The following C2CD5 variants were observed in gnomAD, a reference collection of about 807,000 sequenced individuals.
C2CD5 encodes the protein C2 calcium dependent domain containing 5.
C2CD5 carries 109 observed loss-of-function variants against 130.3 expected under a neutral mutation model. The ratio of observed to expected loss-of-function variants is 0.84; its 90% CI spans 0.72 to 0.98. The LOEUF is 0.98. C2CD5 is among the 50% of genes least tolerant of loss of function. The probability of loss-of-function intolerance (pLI) is 0.00; values close to 1 mark genes in which losing one functional copy is unlikely to be tolerated. For synonymous variants in C2CD5, 454 were observed against 429.2 expected (o/e 1.06, Z -0.71); for missense variants, 996 against 1,261.8 (o/e 0.79, Z 3.19).
chr12:22,521,950 A>G (rs1950306941), intron 7 of C2CD5, among the ~76,000 whole-genome samples: 1 of 152,192 alleles, frequency 6.6e-6, no homozygotes, highest in South Asian at 2.1e-4. Flanking sequence ...GAAACATTTT[A>G]GGTTTCCTGA....
intron 10 of C2CD5, among the ~76,000 whole-genome samples, chr12:22,499,478 TG>T (rs1236264052): frequency 2.0e-5 from 3 of 152,194 alleles, no homozygotes; most frequent in Non-Finnish European, 4.4e-5. Context: ...GAGGATTAAA[TG>T]GTCTACTATT....
At chr12:22,472,098 T>C in intron 18 of C2CD5, 33 bp from the exon 19 acceptor site, 1 of 1,235,626 alleles carries the variant, frequency 8.1e-7, no homozygotes. Context: ...TGTCATTTTA[T>C]TATTTTTAAC....
At chr12:22,541,543 A>G (rs570933541) in intron 2 of C2CD5, among the ~76,000 whole-genome samples, 1 of 152,156 alleles carries the variant, frequency 6.6e-6, no homozygotes, top group East Asian at 1.9e-4. Context: ...TGCCAGCCAC[A>G]CGCATTTTCC....
At chr12:22,496,301 TAC>T in intron 10 of C2CD5, among the ~76,000 whole-genome samples, 1 of 152,160 alleles carries the variant, frequency 6.6e-6, no homozygotes, top group East Asian at 1.9e-4. Flanking sequence ...AACTGATAAC[TAC>T]AGTCTTATAG....
intron 3 of C2CD5, among the ~76,000 whole-genome samples, chr12:22,532,836 A>C (rs368572123): frequency 2.0e-5 from 3 of 152,198 alleles, no homozygotes; most frequent in East Asian, 3.9e-4. Context: ...ATGGTTATGA[A>C]ATAGGCCTCA....
At chr12:22,535,647 T>C (rs929162278) in intron 2 of C2CD5, among the ~76,000 whole-genome samples, 9 of 152,020 alleles carry the variant, frequency 5.9e-5, no homozygotes, top group East Asian at 1.9e-4. Context: ...ATAGAAAAAA[T>C]AGGCAAAGGA....
At chr12:22,517,453 A>AT (rs1203086242) in intron 8 of C2CD5, among the ~76,000 whole-genome samples, 1 of 152,054 alleles carries the variant, frequency 6.6e-6, no homozygotes, top group African/African-American at 2.4e-5. Flanking sequence ...GAACAGAAAA[A>AT]TTTAAGAATA....
intron 8 of C2CD5, among the ~76,000 whole-genome samples, chr12:22,516,645 AAAT>A (rs985426486): frequency 2.7e-5 from 4 of 150,886 alleles, no homozygotes; most frequent in Admixed American, 6.6e-5. Context: ...AAAAAAAATA[AAAT>A]AATAATAATA....
intron 10 of C2CD5, among the ~76,000 whole-genome samples, chr12:22,506,123 T>C (rs938670452): frequency 1.3e-5 from 2 of 152,130 alleles, no homozygotes; most frequent in Non-Finnish European, 2.9e-5. Context: ...CTTTGACCCA[T>C]GGACTGGTTT....
At chr12:22,487,444 T>C (rs1025928440) in intron 12 of C2CD5, among the ~76,000 whole-genome samples, 1 of 152,034 alleles carries the variant, frequency 6.6e-6, no homozygotes, top group Non-Finnish European at 1.5e-5. Context: ...AAAAGACACA[T>C]GAAAAAATGC....
At chr12:22,504,808 C>T (rs1474415854) in intron 10 of C2CD5, among the ~76,000 whole-genome samples, 1 of 151,648 alleles carries the variant, frequency 6.6e-6, no homozygotes, top group Admixed American at 6.6e-5. Flanking sequence ...CCAAATAATT[C>T]AAGTTCCTTA....
At chr12:22,487,024 C>T (rs922142896) in intron 12 of C2CD5, among the ~76,000 whole-genome samples, 11 of 152,100 alleles carry the variant, frequency 7.2e-5, no homozygotes, top group South Asian at 6.2e-4. Flanking sequence ...GAAATTGGAT[C>T]CCTTCCTTAC....
At chr12:22,523,692 G>C in intron 6 of C2CD5, 68 bp from the exon 7 acceptor site, 1 of 1,098,086 alleles carries the variant, frequency 9.1e-7, no homozygotes, top group Non-Finnish European at 1.3e-6. Context: ...ACTGGACATG[G>C]TAGTGGTAAA....
chr12:22,481,672 T>TG (rs1247033742), intron 14 of C2CD5, among the ~76,000 whole-genome samples: 5 of 143,284 alleles, frequency 3.5e-5, no homozygotes, highest in African/African-American at 1.0e-4. Context: ...TTTTTTTTTT[T>TG]GAGACAGAGC....
At chr12:22,471,638 G>A (rs1051866624) in intron 19 of C2CD5, 150 bp from the exon 20 acceptor site, 6 of 497,142 alleles carry the variant, frequency 1.2e-5, no homozygotes, top group Admixed American at 3.7e-5. Context: ...TTACACTAAC[G>A]ATATACTTTT....
chr12:22,470,664 C>T (rs550024524), intron 21 of C2CD5, among the ~76,000 whole-genome samples, 160 bp downstream of exon 21: 5 of 152,058 alleles, frequency 3.3e-5, no homozygotes, highest in East Asian at 1.9e-4. Context: ...GTCAGCCATA[C>T]GCTTATCCAC....
At chr12:22,521,339 C>A (rs1249280747) in intron 7 of C2CD5, among the ~76,000 whole-genome samples, 1 of 152,140 alleles carries the variant, frequency 6.6e-6, no homozygotes, top group Non-Finnish European at 1.5e-5. Flanking sequence ...CATGAGGCTA[C>A]AACAAGATTA....
intron 22 of C2CD5, among the ~76,000 whole-genome samples, chr12:22,467,209 G>A (rs1172576824): frequency 6.6e-6 from 1 of 151,828 alleles, no homozygotes; most frequent in Admixed American, 6.6e-5. Context: ...TCACTCTGTC[G>A]CCCAGGCTGG....
chr12:22,499,336 A>C lies in C2CD5; in HGVS notation c.1148-5999T>G, dbSNP rs530435376. On this transcript the variant is annotated intron_variant, in intron 10 of 26. Transcript: ENST00000446597. ...CTCATTAATTTATAGTTAAGAGTAC[A>C]GGTTCTGAAGCCAGAGTACTCAGGT... Among the ~76,000 whole-genome samples the C allele has an allele frequency of 5.3e-5, 8 of 152,362 alleles. No individual in the cohort carries two copies. In the East Asian group the frequency reaches 1.4e-3, roughly 26 times the overall value.
Sources: allele counts gnomAD v4.1 joint callset (sites outside exome capture counted in the v4.1 genomes callset), GRCh38; gene constraint gnomAD v4.1.1; transcripts MANE v1.5; gene names NCBI Gene and HGNC (gene_info 2026-07-23, HGNC 2026-07-21).